Variants in CEMIP observed in about 807,000 individuals in gnomAD.
The protein encoded by CEMIP is cell migration-inducing and hyaluronan-binding protein.
A neutral mutation model predicts 156.9 loss-of-function variants in CEMIP; 105 were observed. The ratio of observed to expected loss-of-function variants is 0.67; its 90% confidence interval spans 0.57 to 0.79. CEMIP has a LOEUF of 0.79. CEMIP is among the 30% of genes least tolerant of loss of function. The probability of loss-of-function intolerance (pLI) is 0.00; values close to 1 mark genes in which losing one functional copy is unlikely to be tolerated. For missense variants in CEMIP, 1,457 were observed against 1,769.4 expected, an observed-to-expected ratio of 0.82 and a Z score of 3.17; for synonymous variants, 676 against 668.4, an observed-to-expected ratio of 1.01 and a Z score of -0.17.
intron 1 of CEMIP, among the ~76,000 whole-genome samples, chr15:80,838,893 A>T (rs574971576): frequency 3.5e-4 from 53 of 152,206 alleles, no homozygotes; most frequent in African/African-American, 1.3e-3. Flanking sequence ...GTGGCTCCAA[A>T]ATCTGTGCTC....
intron 14 of CEMIP, among the ~76,000 whole-genome samples, chr15:80,917,286 TGGGCAGG>T (rs1344890798): frequency 1.5e-5 from 1 of 67,294 alleles, no homozygotes. Context: ...GAAAGAGCTA[TGGGCAGG>T]AGGCAGGAGG....
At chr15:80,910,145 AT>A (rs920966760) in intron 14 of CEMIP, among the ~76,000 whole-genome samples, 9 of 152,274 alleles carry the variant, frequency 5.9e-5, no homozygotes, top group Non-Finnish European at 8.8e-5. Flanking sequence ...TTAAAGAAAC[AT>A]TTGAATTAGT....
chr15:80,782,433 C>T (rs776204004), intron 1 of CEMIP, among the ~76,000 whole-genome samples: 27 of 152,282 alleles, frequency 1.8e-4, no homozygotes, highest in South Asian at 1.2e-3. Context: ...AAGATACTTG[C>T]TCTGCCCAGA....
chr15:80,792,757 C>T (rs1896113922), intron 1 of CEMIP, among the ~76,000 whole-genome samples: 1 of 152,102 alleles, frequency 6.6e-6, no homozygotes, highest in Non-Finnish European at 1.5e-5. Flanking sequence ...TCTGAATGGC[C>T]AAGGCATGTG....
chr15:80,848,890 G>A (rs1038151639), intron 1 of CEMIP, among the ~76,000 whole-genome samples: 6 of 70,864 alleles, frequency 8.5e-5, no homozygotes, highest in African/African-American at 1.4e-4. Context: ...TCTGATGAGC[G>A]TGTGCGCGTG....
At chr15:80,850,523 G>A (rs1205208164) in intron 1 of CEMIP, among the ~76,000 whole-genome samples, 4 of 152,090 alleles carry the variant, frequency 2.6e-5, no homozygotes, top group African/African-American at 4.8e-5. Context: ...AAGTGATCCC[G>A]CCTTGGCCAC....
At chr15:80,829,010 G>A (rs982042871) in intron 1 of CEMIP, among the ~76,000 whole-genome samples, 5 of 152,274 alleles carry the variant, frequency 3.3e-5, no homozygotes, top group Admixed American at 1.3e-4. Flanking sequence ...AATTAAAGTG[G>A]AGAACAGCTG....
At chr15:80,829,965 GGTGTGT>G (rs370594946) in intron 1 of CEMIP, among the ~76,000 whole-genome samples, 8 of 133,710 alleles carry the variant, frequency 6.0e-5, no homozygotes, top group African/African-American at 1.5e-4. Flanking sequence ...GGAGGTAGCG[GGTGTGT>G]GTGTGTGTGT....
intron 21 of CEMIP, 108 bp from the exon 22 acceptor site, chr15:80,931,750 CA>C: frequency 1.9e-6 from 2 of 1,075,580 alleles, no homozygotes; most frequent in Non-Finnish European, 2.8e-6. Flanking sequence ...TCTCTGCTAC[CA>C]TCCACCTCAG....
Position 80,896,078 on chromosome 15 carries a change from C to T in CEMIP, c.1411+18C>T. 6.2e-7 allele frequency: 1 copy of T among 1,611,144 alleles called. No homozygotes were observed. On this transcript the variant is annotated intron_variant, in intron 12 of 29. Coordinates refer to ENST00000394685, the MANE Select transcript of CEMIP (RefSeq NM_001293298.2). The stretch of plus-strand genomic sequence containing the variant: ...AGTGGCAGGTAGGACTTTTACTAAT[C>T]CCTTCCTAGACTGGATGAATCTGAA...
intron 1 of CEMIP, among the ~76,000 whole-genome samples, chr15:80,824,382 T>C (rs1464156020): frequency 6.6e-6 from 1 of 152,182 alleles, no homozygotes. Flanking sequence ...ATTCTCATCT[T>C]TTGGGCTTCT....
intron 1 of CEMIP, among the ~76,000 whole-genome samples, chr15:80,833,439 G>A (rs1007270078): frequency 4.6e-5 from 7 of 152,146 alleles, no homozygotes; most frequent in Non-Finnish European, 1.0e-4. Context: ...TTTTTGAAAC[G>A]TAAGAACTCA....
At chr15:80,844,476 C>G (rs1874067840) in intron 1 of CEMIP, among the ~76,000 whole-genome samples, 1 of 152,210 alleles carries the variant, frequency 6.6e-6, no homozygotes, top group African/African-American at 2.4e-5. Context: ...CCCTGCTCCT[C>G]TTTCTCTGGG....
chr15:80,886,039 C>G (rs931672642), intron 7 of CEMIP, among the ~76,000 whole-genome samples: 3 of 152,200 alleles, frequency 2.0e-5, no homozygotes, highest in African/African-American at 7.2e-5. Flanking sequence ...GAAATGAACA[C>G]ATACTGGTGG....
intron 1 of CEMIP, among the ~76,000 whole-genome samples, chr15:80,804,203 G>A (rs1896452565): frequency 6.6e-6 from 1 of 152,204 alleles, no homozygotes; most frequent in South Asian, 2.1e-4. Context: ...AATTGAAGAT[G>A]AGATTTGGGT....
At chr15:80,786,155 C>T (rs11636922) in intron 1 of CEMIP, among the ~76,000 whole-genome samples, 3,243 of 152,222 alleles carry the variant, frequency 0.021, 49 homozygotes, top group Non-Finnish European at 0.032. Context: ...CTGAAAACTT[C>T]GGTCCTGGGT....
chr15:80,786,062 T>G (rs954368720), intron 1 of CEMIP, among the ~76,000 whole-genome samples: 1 of 152,194 alleles, frequency 6.6e-6, no homozygotes, highest in Admixed American at 6.5e-5. Context: ...AAGAAGTGGC[T>G]GTGGTTGGGG....
chr15:80,856,127 G>C (rs912344895), intron 1 of CEMIP, among the ~76,000 whole-genome samples: 2 of 152,206 alleles, frequency 1.3e-5, no homozygotes, highest in East Asian at 3.9e-4. Context: ...TGTTGGAATT[G>C]ACTGGGAAGG....
intron 1 of CEMIP, among the ~76,000 whole-genome samples, chr15:80,814,758 A>G (rs914075484): frequency 2.6e-5 from 4 of 152,172 alleles, no homozygotes; most frequent in Non-Finnish European, 5.9e-5. Flanking sequence ...TATGAGAGAG[A>G]TTTCACTAAT....
Sources: gnomAD v4.1 joint callset for allele counts (sites outside exome capture counted in the v4.1 genomes callset) on GRCh38, gnomAD v4.1.1 for gene constraint, MANE v1.5 for transcripts, NCBI Gene and HGNC (gene_info 2026-07-23, HGNC 2026-07-21) for gene names.